ATP6V0D2: variants seen among roughly 807,000 people sequenced by gnomAD.
ATP6V0D2 encodes V-type proton ATPase subunit d 2.
ATP6V0D2 carries 40 observed loss-of-function variants against 40.0 expected under a neutral mutation model. The ratio of observed to expected loss-of-function variants is 1.00; its 90% CI spans 0.78 to 1.30. The LOEUF is 1.30. Ranked by LOEUF, ATP6V0D2 falls within the 50% of genes most tolerant of loss-of-function variation. The probability of loss-of-function intolerance (pLI) is 0.00; values close to 1 mark genes in which losing one functional copy is unlikely to be tolerated. For synonymous variants in ATP6V0D2, 179 were observed against 156.3 expected (o/e 1.15, Z -1.08); for missense variants, 470 against 423.1 (o/e 1.11, Z -0.97).
intron 2 of ATP6V0D2, among the ~76,000 whole-genome samples, chr8:86,120,352 T>G (rs1308404664): frequency 6.6e-6 from 1 of 151,870 alleles, no homozygotes. Flanking sequence ...AGAGCCATGG[T>G]CATACAACTG....
At chr8:86,102,714 C>A (rs774106593) in intron 1 of ATP6V0D2, among the ~76,000 whole-genome samples, 2 of 152,060 alleles carry the variant, frequency 1.3e-5, no homozygotes, top group African/African-American at 4.8e-5. Flanking sequence ...TAAGAAATAC[C>A]CATGTATTCT....
chr8:86,122,689 A>G (rs1415293342), intron 2 of ATP6V0D2, among the ~76,000 whole-genome samples: 2 of 152,256 alleles, frequency 1.3e-5, no homozygotes, highest in Non-Finnish European at 2.9e-5. Flanking sequence ...AAGGCTGAAC[A>G]TTCAATGAGA....
rs572873592 is a variant in ATP6V0D2 at position 86,134,678 on chromosome 8, C to T, written c.303-4779C>T. On this transcript the variant is annotated intron_variant, in intron 2 of 7. Coordinates refer to ENST00000285393, the MANE Select transcript of ATP6V0D2 (RefSeq NM_152565.1). The stretch of plus-strand genomic sequence containing the variant: ...AGCAACTGCACTTCAGGGCATTTAT[C>T]CAAGAATAATAAAACTTATTTTAAT... Among the ~76,000 whole-genome samples the T allele has an allele frequency of 6.1e-4, 93 of 152,250 alleles. No individual in the cohort carries two copies. The Middle Eastern group carries it at 0.01, about 17-fold the overall frequency.
At chr8:86,136,556 G>A (rs939020553) in intron 2 of ATP6V0D2, among the ~76,000 whole-genome samples, 1 of 152,128 alleles carries the variant, frequency 6.6e-6, no homozygotes, top group African/African-American at 2.4e-5. Context: ...GAGATAAAAA[G>A]GATTCTAAAA....
chr8:86,101,391 T>C (rs1334332770), intron 1 of ATP6V0D2, among the ~76,000 whole-genome samples: 1 of 142,080 alleles, frequency 7.0e-6, no homozygotes, highest in African/African-American at 2.6e-5. Flanking sequence ...GCCCAAAAGG[T>C]TGAAGCTGCA....
intron 3 of ATP6V0D2, among the ~76,000 whole-genome samples, chr8:86,141,025 T>G (rs915538609): frequency 2.6e-5 from 4 of 152,138 alleles, no homozygotes; most frequent in African/African-American, 9.7e-5. Context: ...ATCCCTCAGA[T>G]GCACAGTTCA....
intron 5 of ATP6V0D2, among the ~76,000 whole-genome samples, chr8:86,147,751 GA>G (rs968407270): frequency 1.1e-4 from 16 of 152,282 alleles, no homozygotes; most frequent in African/African-American, 3.9e-4. Flanking sequence ...GGCTTGTTAT[GA>G]AAAAGATGAC....
intron 2 of ATP6V0D2, among the ~76,000 whole-genome samples, chr8:86,132,587 C>T (rs752264819): frequency 6.6e-6 from 1 of 152,158 alleles, no homozygotes; most frequent in East Asian, 1.9e-4. Context: ...TGATATTTGG[C>T]TTTCTGTGCC....
intron 2 of ATP6V0D2, among the ~76,000 whole-genome samples, chr8:86,127,346 A>G (rs1818758335): frequency 6.6e-6 from 1 of 152,216 alleles, no homozygotes; most frequent in Non-Finnish European, 1.5e-5. Flanking sequence ...AGTGTGAAAT[A>G]TATTTGGTGT....
Position 86,150,129 on chromosome 8 carries a change from T to G in ATP6V0D2, c.657T>G (p.Arg219=). 1 of 1,612,922 alleles carries G rather than the reference T, an allele frequency of 6.2e-7. No individual in the cohort carries two copies. Among genetic ancestry groups the G allele is most frequent in the African/African-American group, 1.3e-5 (1 of 74,938 alleles). The change falls in exon 6 of 8, where the codon CGT becomes CGG. Residue 219 remains arginine, a synonymous_variant. Transcript: ENST00000285393. The part of the protein sequence containing the change: ...CPILEFEADR[R]AFIITLNSFG... ...AAATTCAGTTTGAGGCCGACAGACG[T>G]GCTTTTATCATCACTCTTAACTCCT...
chr8:86,127,078 A>T (rs1190916793), intron 2 of ATP6V0D2, among the ~76,000 whole-genome samples: 1 of 152,204 alleles, frequency 6.6e-6, no homozygotes, highest in Non-Finnish European at 1.5e-5. Flanking sequence ...AATTATTTTA[A>T]TTTTCACTTC....
chr8:86,116,410 A>G (rs950834629), intron 2 of ATP6V0D2, among the ~76,000 whole-genome samples: 6 of 152,104 alleles, frequency 3.9e-5, no homozygotes, highest in Non-Finnish European at 7.4e-5. Context: ...TTTTACAGAC[A>G]GAGTCTCACT....
At chr8:86,150,027 T>A in intron 5 of ATP6V0D2, 85 bp from the exon 6 acceptor site, 4 of 1,271,088 alleles carry the variant, frequency 3.1e-6, no homozygotes, top group Non-Finnish European at 4.4e-6. Context: ...GCGAATCATT[T>A]CAGAAATGAA....
At position 86,109,452 on chromosome 8, in the gene ATP6V0D2, G is replaced by A. The variant is rs371439902; in HGVS notation, c.131-4257G>A. On this transcript the variant is annotated intron_variant, in intron 1 of 7. Coordinates refer to ENST00000285393, the MANE Select transcript of ATP6V0D2 (RefSeq NM_152565.1). ...CATCCCTTGGATCATTTTAGTGCTG[G>A]GGAAGAGAGGTTCCTTCTATTCCAC... Among the ~76,000 whole-genome samples, 556 of 152,232 alleles carry A rather than the reference G, an allele frequency of 3.7e-3. 6 individuals carry two copies. The highest frequency in any genetic ancestry group is 0.024 in the South Asian group (117 of 4,820).
At chr8:86,129,389 A>T (rs1818787001) in intron 2 of ATP6V0D2, among the ~76,000 whole-genome samples, 1 of 152,194 alleles carries the variant, frequency 6.6e-6, no homozygotes, top group Non-Finnish European at 1.5e-5. Context: ...TGAAAAGAAT[A>T]ATCTGGCCAG....
chr8:86,105,717 C>A (rs1366886352), intron 1 of ATP6V0D2, among the ~76,000 whole-genome samples: 1 of 148,090 alleles, frequency 6.8e-6, no homozygotes, highest in Non-Finnish European at 1.5e-5. Flanking sequence ...CAGGTTCATG[C>A]CATTCTCCTG....
At chr8:86,113,957 C>A in intron 2 of ATP6V0D2, 77 bp downstream of exon 2, 2 of 1,365,658 alleles carry the variant, frequency 1.5e-6, no homozygotes, top group Non-Finnish European at 2.0e-6. Context: ...GGGTGGGTAT[C>A]AAGCCAGAGT....
chr8:86,105,616 C>CTTT (rs1401385712), intron 1 of ATP6V0D2, among the ~76,000 whole-genome samples: 41,295 of 128,254 alleles, frequency 0.32, 7,167 homozygotes, highest in East Asian at 0.43. Context: ...CTTCTTTTTT[C>CTTT]TTTTCTTTTT....
At position 86,150,723 on chromosome 8, in the gene ATP6V0D2, GT is replaced by G. The variant is rs1160841536; in HGVS notation, c.816+440del. The stretch of plus-strand genomic sequence containing the variant: ...GGCAAGGAACAATATGGATGTATTA[GT>G]TTTTCCACTCACCTTGCTGAGTGGC... On this transcript the variant is annotated intron_variant, in intron 6 of 7. Coordinates refer to ENST00000285393, the MANE Select transcript of ATP6V0D2 (RefSeq NM_152565.1). Among the ~76,000 whole-genome samples the G allele has an allele frequency of 5.3e-5, 8 of 152,296 alleles. No homozygotes were observed. The East Asian group carries it at 1.5e-3, about 29-fold the overall frequency.
Sources: allele counts gnomAD v4.1 joint callset (sites outside exome capture counted in the v4.1 genomes callset), GRCh38; gene constraint gnomAD v4.1.1; transcripts MANE v1.5; gene names NCBI Gene and HGNC (gene_info 2026-07-23, HGNC 2026-07-21).